The following ZYX variants were observed in gnomAD, a reference collection of about 807,000 sequenced individuals.
ZYX encodes the protein zyxin.
A neutral mutation model predicts 58.1 loss-of-function variants in ZYX; 37 were observed. The observed-to-expected ratio is 0.64, with a 90% CI of 0.49 to 0.84. The LOEUF is 0.84. Among genes scored for constraint, ZYX ranks in the 40% least tolerant of loss-of-function variants. The pLI is 0.00. For synonymous variants in ZYX, 324 were observed against 321.1 expected (o/e 1.01, Z -0.10); for missense variants, 762 against 761.6 (o/e 1.00, Z -0.01).
chr7:143,384,797 A>T lies in ZYX; in HGVS notation c.1023+1475A>T, dbSNP rs1240596566. 6.6e-6 allele frequency among the ~76,000 whole-genome samples: 1 copy of T among 152,116 alleles called. No homozygotes were observed. The highest frequency in any genetic ancestry group is 2.4e-5 in the African/African-American group (1 of 41,428). Reference sequence around the variant, plus strand: ...AGATGGGGTGTGGGCGGATGGCAGGATTGCTGACAAAATAGAGAAGTCCAG... The same window carrying T: ...AGATGGGGTGTGGGCGGATGGCAGGTTTGCTGACAAAATAGAGAAGTCCAG... On this transcript the variant is annotated intron_variant, in intron 5 of 9. Coordinates refer to ENST00000322764, the MANE Select transcript of ZYX (RefSeq NM_003461.5). The surrounding 1 kb of genome is among the most constrained non-coding windows in gnomAD (Gnocchi z 4.9).
Position 143,382,396 on chromosome 7 carries a change from T to G in ZYX, c.357T>G (p.Pro119=). 6.3e-7 allele frequency: 1 copy of G among 1,578,750 alleles called. No homozygotes were observed. Among genetic ancestry groups the G allele is most frequent in the Non-Finnish European group, 8.6e-7 (1 of 1,163,456 alleles). Residue 119 remains proline (P), a synonymous_variant, in exon 3 of 10, where the codon CCT becomes CCG. Transcript: ENST00000322764. ...LEEEIFPSPP[P]PPEEEGGPEA... ...AGGAGATCTTCCCTTCCCCGCCGCC[T>G]CCTCCGGAGGAGGAGGGAGGGCCTG...
rs78551364 is a variant in ZYX, at chr7:143,388,369, C to T, written c.1144+30C>T. Reference sequence around the variant, plus strand: ...GCCCACCCCACCGGGACACCCCCACCCTGCCCCCACATCACGGTGGGGGCC... The same window carrying T: ...GCCCACCCCACCGGGACACCCCCACTCTGCCCCCACATCACGGTGGGGGCC... On this transcript the variant is annotated intron_variant, in intron 6 of 9. Transcript: ENST00000322764. This position sits in a 1 kb window ranked among gnomAD's most constrained non-coding sequence, Gnocchi z 7.5. 2,931 of 1,612,750 alleles carry T rather than the reference C, an allele frequency of 1.8e-3. 53 individuals carry two copies. The African/African-American group carries it at 0.034, about 19-fold the overall frequency.
Position 143,390,514 on chromosome 7 carries a change from GGGGTA to G in ZYX, c.1615-59_1615-55del. 8.4e-7 allele frequency: 1 copy of G among 1,194,796 alleles called. No individual in the cohort carries two copies. The highest frequency in any genetic ancestry group is 1.2e-6 in the Non-Finnish European group (1 of 829,170). 74.0% of individuals were successfully genotyped at this position (1,194,796 alleles called of 1,614,324 possible). A position where few individuals can be genotyped will look rare whatever the true frequency, so the allele number is the denominator to read the frequency against. On this transcript the variant is annotated intron_variant, in intron 9 of 9. Transcript: ENST00000322764. The surrounding 1 kb of genome is among the most constrained non-coding windows in gnomAD (Gnocchi z 4.3). ...ATTCCAAGATGGAGCTGGATGGGGT[GGGGTA>G]GGGTGGAGCAGAGCAGGGGCCTTCC...
rs780115151 is a variant in ZYX at position 143,388,219 on chromosome 7, G to A, written c.1024G>A (p.Val342Met). ...TGTGAGGAAAATGTTGGGATTGCAG[G>A]TGCGCTCCCCTGGGGCCCCAGGGCC... ...VPPPAQNQNQVRSPGAPGPLT... is the reference protein window; with the variant it reads ...VPPPAQNQNQMRSPGAPGPLT... Residue 342 changes from valine (V) to methionine (M), a missense_variant and splice_region_variant, in exon 6 of 10, where the codon GTG (valine) becomes ATG (methionine). Val to Met is a conservative substitution (Grantham distance 21). Transcript: ENST00000322764. The surrounding 1 kb of genome is among the most constrained non-coding windows in gnomAD (Gnocchi z 7.5). The A allele has an allele frequency of 3.1e-6, 5 of 1,600,374 alleles. No individual in the cohort carries two copies. The highest frequency in any genetic ancestry group is 4.3e-6 in the Non-Finnish European group (5 of 1,173,334).
chr7:143,381,697 G>T lies in ZYX; in HGVS notation c.126G>T (p.Gly42=). Reference sequence around the variant, plus strand: ...CCAAAGTGAATCCCTTCCGGCCCGGGGACAGCGAGCCTCCCCCGGCACCCG... The same window carrying T: ...CCAAAGTGAATCCCTTCCGGCCCGGTGACAGCGAGCCTCCCCCGGCACCCG... ...PKPKVNPFRP[G]DSEPPPAPGA... is the part of the protein sequence containing the mutation. The change falls in exon 2 of 10, where the codon GGG becomes GGT. Residue 42 remains glycine, a synonymous_variant. Coordinates refer to ENST00000322764, the MANE Select transcript of ZYX (RefSeq NM_003461.5). 6.2e-7 allele frequency: 1 copy of T among 1,606,518 alleles called. No individual in the cohort carries two copies.
In ZYX at chr7:143,384,281, G is replaced by C. The variant is rs776910607; in HGVS notation, c.1023+959G>C. On this transcript the variant is annotated intron_variant, in intron 5 of 9. Transcript: ENST00000322764. The surrounding 1 kb of genome is among the most constrained non-coding windows in gnomAD (Gnocchi z 4.9). ...GGCACTCAGACCAGGGAGTCAACTC[G>C]GGGAGTCAAATTAGGAAAGGCTTCG... 1 of 470,998 alleles carries C rather than the reference G, an allele frequency of 2.1e-6. No individual in the cohort carries two copies. The highest frequency in any genetic ancestry group is 1.6e-5 in the South Asian group (1 of 64,508). 29.2% of individuals were successfully genotyped at this position (470,998 alleles called of 1,614,324 possible).
rs769510502 is a variant in ZYX, at chr7:143,383,231, C to T, written c.932C>T (p.Pro311Leu). ...ALSAGTGSPQ[P>L]PSFTYAQQRE... The stretch of plus-strand genomic sequence containing the variant: ...TCTGCTGGCACAGGCTCCCCTCAAC[C>T]TCCCAGCTTCACCTATGCCCAGCAG... Residue 311 changes from proline (P) to leucine (L), a missense_variant, in exon 5 of 10, where the codon CCT becomes CTT. Transcript: ENST00000322764. The T allele has an allele frequency of 1.2e-6, 2 of 1,614,166 alleles. No individual in the cohort carries two copies. The highest frequency in any genetic ancestry group is 2.2e-5 in the East Asian group (1 of 44,870).
In ZYX at chr7:143,390,842, G is replaced by T. The variant is rs1363565652; in HGVS notation, c.*160G>T. On this transcript the variant is annotated 3_prime_UTR_variant, in exon 10 of 10. Transcript: ENST00000322764. The surrounding 1 kb of genome is among the most constrained non-coding windows in gnomAD (Gnocchi z 4.3). ...GTGCCCTGACCCAGGACCCAACATG[G>T]TCTAGGGATGCAGGATCCCCGCCCT... 1 of 618,664 alleles carries T rather than the reference G, an allele frequency of 1.6e-6. No homozygotes were observed. Among genetic ancestry groups the T allele is most frequent in the East Asian group, 2.8e-5 (1 of 35,522 alleles). The allele number at this position is 618,664 out of a possible 1,614,324, so 38.3% of individuals were successfully genotyped here.
In ZYX at chr7:143,391,089, A is replaced by T. The variant is rs574620120; in HGVS notation, c.*407A>T. On this transcript the variant is annotated 3_prime_UTR_variant, in exon 10 of 10. Coordinates refer to ENST00000322764, the MANE Select transcript of ZYX (RefSeq NM_003461.5). ...CAAGTTGTAGCTATAGCTACAAATA[A>T]AAAAAAACCTTGTTTTCCAGAATTC... 1 of 315,006 alleles carries T rather than the reference A, an allele frequency of 3.2e-6. No individual in the cohort carries two copies. The highest frequency in any genetic ancestry group is 5.9e-6 in the Non-Finnish European group (1 of 168,446). The allele number at this position is 315,006 out of a possible 1,614,324, so 19.5% of individuals were successfully genotyped here.
Position 143,389,178 on chromosome 7 carries a change from C to G in ZYX, c.1493+233C>G, listed in dbSNP as rs2116595376. On this transcript the variant is annotated intron_variant, in intron 8 of 9. Coordinates refer to ENST00000322764, the MANE Select transcript of ZYX (RefSeq NM_003461.5). This position sits in a 1 kb window ranked among gnomAD's most constrained non-coding sequence, Gnocchi z 5.6. The stretch of plus-strand genomic sequence containing the variant: ...CCTCCCTCGCCCTTGATCACTGAAG[C>G]TTATTGTGGGTGTATGTCAGCATTT... Among the ~76,000 whole-genome samples, 1 of 152,322 alleles carries G rather than the reference C, an allele frequency of 6.6e-6. No individual in the cohort carries two copies. The highest frequency in any genetic ancestry group is 2.4e-5 in the African/African-American group (1 of 41,578).
chr7:143,385,186 C>A (rs1040466696), intron 5 of ZYX, among the ~76,000 whole-genome samples: 1 of 152,048 alleles, frequency 6.6e-6, no homozygotes, highest in African/African-American at 2.4e-5. Context: ...CATCAGCGGT[C>A]TTGGGATGGC....
In ZYX at chr7:143,388,667, G is replaced by GGCTGTGCTGA. The variant is rs771791771; in HGVS notation, c.1314+18_1314+19insAGCTGTGCTG. The GGCTGTGCTGA allele has an allele frequency of 6.3e-7, 1 of 1,599,464 alleles. No individual in the cohort carries two copies. Among genetic ancestry groups the GGCTGTGCTGA allele is most frequent in the Non-Finnish European group, 8.5e-7 (1 of 1,170,296 alleles). ...GCGAGGGCTGTTACACTGTGAGTCG[G>GGCTGTGCTGA]GCTGTGCTGGGCTGTGCTGGGCTGT... On this transcript the variant is annotated intron_variant, in intron 7 of 9. Coordinates refer to ENST00000322764, the MANE Select transcript of ZYX (RefSeq NM_003461.5). This position sits in a 1 kb window ranked among gnomAD's most constrained non-coding sequence, Gnocchi z 7.5.
At chr7:143,381,956 G>A (rs770169853) in intron 2 of ZYX, 177 bp downstream of exon 2, 6 of 696,552 alleles carry the variant, frequency 8.6e-6, no homozygotes, top group Non-Finnish European at 1.4e-5. Flanking sequence ...CAGGGCTCCT[G>A]GGACCGTTCC....
intron 5 of ZYX, among the ~76,000 whole-genome samples, chr7:143,383,803 C>T (rs911792450): frequency 3.3e-5 from 5 of 152,190 alleles, no homozygotes; most frequent in African/African-American, 9.7e-5. Flanking sequence ...GTGCTCTGTG[C>T]CCAGGAGGGT....
chr7:143,390,109 G>T lies in ZYX; in HGVS notation c.1614+132G>T. ...TGTGATTTTGAGGGTGGCTCATGGT[G>T]GCACCCCATCTGTCCTGCCAGAATG... On this transcript the variant is annotated intron_variant, in intron 9 of 9. Coordinates refer to ENST00000322764, the MANE Select transcript of ZYX (RefSeq NM_003461.5). This position sits in a 1 kb window ranked among gnomAD's most constrained non-coding sequence, Gnocchi z 4.3. 2 of 1,340,878 alleles carry T rather than the reference G, an allele frequency of 1.5e-6. No individual in the cohort carries two copies. Among genetic ancestry groups the T allele is most frequent in the Non-Finnish European group, 1.0e-6 (1 of 969,144 alleles). 83.1% of individuals were successfully genotyped at this position (1,340,878 alleles called of 1,614,324 possible).
At position 143,383,206 on chromosome 7, in the gene ZYX, T is replaced by C; in HGVS notation, c.907T>C (p.Ser303Pro). 6.2e-7 allele frequency: 1 copy of C among 1,614,158 alleles called. No individual in the cohort carries two copies. Among genetic ancestry groups the C allele is most frequent in the Non-Finnish European group, 8.5e-7 (1 of 1,180,036 alleles). ...AAAATTGGGGCACCCCGAAGCTCTT[T>C]CTGCTGGCACAGGCTCCCCTCAACC... ...NQKLGHPEAL[S>P]AGTGSPQPPS... Residue 303 changes from serine (S) to proline (P), a missense_variant, in exon 5 of 10, where the codon TCT becomes CCT. Ser to Pro is a moderately conservative substitution (Grantham distance 74). Coordinates refer to ENST00000322764, the MANE Select transcript of ZYX (RefSeq NM_003461.5).
At chr7:143,385,361 C>CGT (rs370496656) in intron 5 of ZYX, among the ~76,000 whole-genome samples, 2,985 of 149,396 alleles carry the variant, frequency 0.02, 86 homozygotes, top group African/African-American at 0.063. Context: ...ATATGAGTGG[C>CGT]GTGTGTGTGT....
At position 143,390,165 on chromosome 7, in the gene ZYX, G is replaced by A. The variant is rs1805019459; in HGVS notation, c.1614+188G>A. 2.7e-6 allele frequency: 2 copies of A among 748,452 alleles called. No individual in the cohort carries two copies. The highest frequency in any genetic ancestry group is 3.5e-5 in the African/African-American group (2 of 56,814). 46.4% of individuals were successfully genotyped at this position (748,452 alleles called of 1,614,324 possible). A position where few individuals can be genotyped will look rare whatever the true frequency, so the allele number is the denominator to read the frequency against. ...TGCCACTGCAGGAAATGGGGCTGTG[G>A]GGCTTCTGAGGTCACTTTGAGTCAT... On this transcript the variant is annotated intron_variant, in intron 9 of 9. Transcript: ENST00000322764. The surrounding 1 kb of genome is among the most constrained non-coding windows in gnomAD (Gnocchi z 4.3).
chr7:143,388,715 G>A lies in ZYX; in HGVS notation c.1315-52G>A. The A allele has an allele frequency of 6.2e-7, 1 of 1,610,100 alleles. No individual in the cohort carries two copies. The highest frequency in any genetic ancestry group is 2.2e-5 in the East Asian group (1 of 44,778). ...TGTGCTGGGCAGTCGGGCCCTGGAA[G>A]CTTGCTGTGGGGTGCCGGTTCCCTG... On this transcript the variant is annotated intron_variant, in intron 7 of 9. Transcript: ENST00000322764. This position sits in a 1 kb window ranked among gnomAD's most constrained non-coding sequence, Gnocchi z 7.5.
Sources: allele counts gnomAD v4.1 joint callset (sites outside exome capture counted in the v4.1 genomes callset), GRCh38; gene constraint gnomAD v4.1.1; non-coding constraint Gnocchi (gnomAD v3.1); transcripts MANE v1.5; gene names NCBI Gene and HGNC (gene_info 2026-07-23, HGNC 2026-07-21).